The following ACAP2 variants were observed in gnomAD, a reference collection of about 807,000 sequenced individuals.
ACAP2 encodes ArfGAP with coiled-coil, ankyrin repeat and PH domains 2, also known as arf-GAP with coiled-coil, ANK repeat and PH domain-containing protein 2.
In ACAP2, 39 loss-of-function variants were observed where a neutral mutation model predicts 115.8. The ratio of observed to expected loss-of-function variants is 0.34; its 90% CI spans 0.26 to 0.44. The LOEUF is 0.44. Ranked by LOEUF, ACAP2 falls within the 20% of genes least tolerant of loss-of-function variation. ACAP2 has a pLI of 1.00. For synonymous variants in ACAP2, 289 were observed against 315.8 expected (o/e 0.92, Z 0.90); for missense variants, 662 against 927.6 (o/e 0.71, Z 3.72).
At chr3:195,354,010 G>C (rs1731788546) in intron 4 of ACAP2, among the ~76,000 whole-genome samples, 1 of 152,006 alleles carries the variant, frequency 6.6e-6, no homozygotes, top group South Asian at 2.1e-4. Flanking sequence ...ACTCCAATAA[G>C]CCACAGTATG....
Position 195,292,360 on chromosome 3 carries a change from G to A in ACAP2, c.1858C>T (p.Pro620Ser), listed in dbSNP as rs747036309. The A allele has an allele frequency of 2.5e-6, 4 of 1,614,082 alleles. No individual in the cohort carries two copies. The East Asian group carries it at 8.9e-5, about 36-fold the overall frequency. Residue 620 changes from proline (P) to serine (S), a missense_variant, in exon 19 of 23, where the codon CCT becomes TCT. By Grantham distance (74) the Pro-to-Ser change is moderately conservative. This residue lies in a region of ACAP2 where 128 missense variants were observed against 200.2 expected (regional missense o/e 0.64). Transcript: ENST00000326793. The stretch of plus-strand genomic sequence containing the variant: ...TGAGCCAAAGCCTCAGCCATTTTAG[G>A]AAGGTTTTTTTCATATGACGCCCTA... ...LYRASYEKNL[P>S]KMAEALAHGA...
rs3836379 is a variant in ACAP2, at chr3:195,297,290, C to CAAA, written c.1396-12_1396-10dup. 483 of 1,549,226 alleles carry CAAA rather than the reference C, an allele frequency of 3.1e-4. 1 individual carries two copies. The Middle Eastern group carries it at 9.0e-3, about 29-fold the overall frequency. ...CCCAACTCACACATAAGCTGTTTGG[C>CAAA]AAAAAAAAATAGAAAAATAAGCTAT... On this transcript the variant is annotated splice_polypyrimidine_tract_variant and intron_variant, in intron 15 of 22. Coordinates refer to ENST00000326793, the MANE Select transcript of ACAP2 (RefSeq NM_012287.6).
intron 1 of ACAP2, among the ~76,000 whole-genome samples, chr3:195,427,565 T>A (rs1473222022): frequency 6.6e-6 from 1 of 152,166 alleles, no homozygotes; most frequent in Non-Finnish European, 1.5e-5. Flanking sequence ...TACAGTATAT[T>A]ACTTTACTGA....
At chr3:195,344,929 T>C (rs974229744) in intron 5 of ACAP2, among the ~76,000 whole-genome samples, 1 of 152,204 alleles carries the variant, frequency 6.6e-6, no homozygotes, top group Non-Finnish European at 1.5e-5. Flanking sequence ...CAATAACTAA[T>C]AGTATTTCAA....
At chr3:195,424,261 G>GTGTGTGTGTATATA (rs1456909404) in intron 1 of ACAP2, among the ~76,000 whole-genome samples, 2 of 54,654 alleles carry the variant, frequency 3.7e-5, no homozygotes, top group East Asian at 1.1e-3. Flanking sequence ...GTGTGTGTGT[G>GTGTGTGTGTATATA]TATATATATA....
chr3:195,363,267 A>G (rs996009385), intron 4 of ACAP2, among the ~76,000 whole-genome samples: 2 of 152,242 alleles, frequency 1.3e-5, no homozygotes, highest in Non-Finnish European at 2.9e-5. Context: ...TTAAAACTAT[A>G]AAACATTGAT....
intron 1 of ACAP2, among the ~76,000 whole-genome samples, chr3:195,432,249 T>C (rs560828994): frequency 1.3e-5 from 2 of 152,360 alleles, no homozygotes; most frequent in East Asian, 3.9e-4. Flanking sequence ...ATTTCATACC[T>C]AAGAAACCAT....
At chr3:195,427,908 A>G (rs1036948343) in intron 1 of ACAP2, among the ~76,000 whole-genome samples, 3 of 152,064 alleles carry the variant, frequency 2.0e-5, no homozygotes, top group Non-Finnish European at 2.9e-5. Context: ...CCCCATCTCA[A>G]AAAAAAGAAA....
intron 4 of ACAP2, among the ~76,000 whole-genome samples, chr3:195,377,928 G>A (rs1733663301): frequency 6.6e-6 from 1 of 152,120 alleles, no homozygotes; most frequent in South Asian, 2.1e-4. Flanking sequence ...ACAGCCTTCA[G>A]ACCTCCAGGC....
chr3:195,420,729 A>G (rs1714121868), intron 1 of ACAP2, among the ~76,000 whole-genome samples: 1 of 150,334 alleles, frequency 6.7e-6, no homozygotes, highest in Admixed American at 6.6e-5. Flanking sequence ...TGCAACCTCC[A>G]GCTCCCAGGT....
Position 195,345,332 on chromosome 3 carries a change from G to C in ACAP2, c.286-15C>G. 3 of 1,508,372 alleles carry C rather than the reference G, an allele frequency of 2.0e-6. No homozygotes were observed. Among genetic ancestry groups the C allele is most frequent in the Non-Finnish European group, 2.8e-6 (3 of 1,086,126 alleles). The allele number at this position is 1,508,372 out of a possible 1,614,324, so 93.4% of individuals were successfully genotyped here. Reference sequence around the variant, plus strand: ...TCAAACAGGATCTAAAAAATAAAATGTAATATTAAGTGATTAGAAAAGTAA... The same window carrying C: ...TCAAACAGGATCTAAAAAATAAAATCTAATATTAAGTGATTAGAAAAGTAA... On this transcript the variant is annotated splice_polypyrimidine_tract_variant and intron_variant, in intron 4 of 22. Coordinates refer to ENST00000326793, the MANE Select transcript of ACAP2 (RefSeq NM_012287.6).
intron 7 of ACAP2, 124 bp from the exon 8 acceptor site, chr3:195,333,247 C>T (rs1052129817): frequency 2.3e-6 from 1 of 428,822 alleles, no homozygotes; most frequent in Non-Finnish European, 3.8e-6. Flanking sequence ...GTCGCCCAGA[C>T]CTGGCATGCA....
At chr3:195,305,745 C>T (rs1728379706) in intron 13 of ACAP2, among the ~76,000 whole-genome samples, 1 of 151,992 alleles carries the variant, frequency 6.6e-6, no homozygotes, top group Non-Finnish European at 1.5e-5. Context: ...GACAAGTTCA[C>T]GCAAACGTGG....
chr3:195,419,155 AC>A (rs1193450226), intron 1 of ACAP2, among the ~76,000 whole-genome samples: 1 of 152,114 alleles, frequency 6.6e-6, no homozygotes, highest in African/African-American at 2.4e-5. Flanking sequence ...AGAGTTGTGC[AC>A]CCATCACCCC....
At chr3:195,321,666 T>C (rs1308427197) in intron 9 of ACAP2, among the ~76,000 whole-genome samples, 1 of 151,174 alleles carries the variant, frequency 6.6e-6, no homozygotes, top group East Asian at 1.9e-4. Flanking sequence ...CAGGCTGGAG[T>C]GCAGTGGCAC....
intron 1 of ACAP2, chr3:195,442,138 G>C (rs1316955527): frequency 2.0e-5 from 3 of 152,476 alleles, no homozygotes; most frequent in African/African-American, 7.2e-5. Context: ...GGAAAGAAAA[G>C]CAGGTAGTCA....
chr3:195,359,137 T>A (rs1732180314), intron 4 of ACAP2, among the ~76,000 whole-genome samples: 1 of 152,206 alleles, frequency 6.6e-6, no homozygotes, highest in African/African-American at 2.4e-5. Context: ...AAACAAAAGT[T>A]GATGAATTTC....
chr3:195,363,647 A>AC lies in ACAP2; in HGVS notation c.285+17361_285+17362insG, dbSNP rs58372747. Among the ~76,000 whole-genome samples the AC allele has an allele frequency of 2.8e-3, 227 of 80,354 alleles. 1 individual carries two copies. Among genetic ancestry groups the AC allele is most frequent in the African/African-American group, 9.8e-3 (202 of 20,548 alleles). 52.7% of individuals were successfully genotyped at this position (80,354 alleles called of 152,430 possible). ...TACACACACACACACACACACACAC[A>AC]AAAACAGAATAGCCAAAACTATCCT... On this transcript the variant is annotated intron_variant, in intron 4 of 22. Transcript: ENST00000326793.
At chr3:195,405,332 T>C (rs1712664285) in intron 1 of ACAP2, among the ~76,000 whole-genome samples, 2 of 152,222 alleles carry the variant, frequency 1.3e-5, no homozygotes. Flanking sequence ...GCCCAATCAC[T>C]TCCAATTAAT....
Sources: allele counts gnomAD v4.1 joint callset (sites outside exome capture counted in the v4.1 genomes callset), GRCh38; gene constraint gnomAD v4.1.1; regional missense constraint gnomAD v4.1.1; transcripts MANE v1.5; gene names NCBI Gene and HGNC (gene_info 2026-07-23, HGNC 2026-07-21).